SUPT3H: variants seen among roughly 807,000 people sequenced by gnomAD.
SUPT3H encodes transcription initiation protein SPT3 homolog.
SUPT3H carries 44 observed loss-of-function variants against 44.3 expected under a neutral mutation model. The observed-to-expected ratio is 0.99, with a 90% CI of 0.78 to 1.28. SUPT3H has a LOEUF of 1.28. SUPT3H is among the 50% of genes most tolerant of loss of function. SUPT3H has a pLI of 0.00. For synonymous variants in SUPT3H, 124 were observed against 125.6 expected (o/e 0.99, Z 0.09); for missense variants, 380 against 387.1 (o/e 0.98, Z 0.15).
At chr6:45,057,136 G>T (rs1162602051) in intron 3 of SUPT3H, among the ~76,000 whole-genome samples, 1 of 152,024 alleles carries the variant, frequency 6.6e-6, no homozygotes, top group Non-Finnish European at 1.5e-5. Context: ...GGTAAACATA[G>T]AAGTTCACCC....
At chr6:45,310,631 G>C (rs995000586) in intron 2 of SUPT3H, among the ~76,000 whole-genome samples, 11 of 152,138 alleles carry the variant, frequency 7.2e-5, no homozygotes, top group Non-Finnish European at 1.3e-4. Context: ...CTCAGCACCA[G>C]CCAGGAGCTG....
At chr6:45,021,854 T>C (rs1452687027) in intron 3 of SUPT3H, among the ~76,000 whole-genome samples, 14 of 151,990 alleles carry the variant, frequency 9.2e-5, no homozygotes, top group Admixed American at 7.9e-4. Flanking sequence ...TCCTGGATAC[T>C]GCGGTTGGTA....
intron 3 of SUPT3H, among the ~76,000 whole-genome samples, chr6:45,071,378 C>G (rs967729421): frequency 2.5e-4 from 38 of 152,112 alleles, no homozygotes; most frequent in African/African-American, 4.6e-4. Context: ...CCAGTAAACT[C>G]TTTATTATTT....
At chr6:45,352,595 C>T (rs889330174) in intron 2 of SUPT3H, among the ~76,000 whole-genome samples, 1 of 152,054 alleles carries the variant, frequency 6.6e-6, no homozygotes, top group African/African-American at 2.4e-5. Context: ...GAACAAAGTA[C>T]ATTTTATGCT....
intron 3 of SUPT3H, among the ~76,000 whole-genome samples, chr6:45,035,670 T>A (rs990628795): frequency 9.9e-5 from 15 of 152,114 alleles, no homozygotes; most frequent in Non-Finnish European, 4.4e-5. Context: ...GGAAAAATTA[T>A]CCAAAACCGT....
chr6:44,920,721 C>T (rs898418547), intron 10 of SUPT3H, among the ~76,000 whole-genome samples: 8 of 152,160 alleles, frequency 5.3e-5, no homozygotes, highest in African/African-American at 1.7e-4. Flanking sequence ...TCTGGGTAAA[C>T]TGGCTCGCAA....
rs9367213 is a variant in SUPT3H, at chr6:45,032,065, A to G, written c.187-11433T>C. Among the ~76,000 whole-genome samples, 17 of 152,310 alleles carry G rather than the reference A, an allele frequency of 1.1e-4. No homozygotes were observed. In the East Asian group the frequency reaches 3.3e-3, roughly 29 times the overall value. On this transcript the variant is annotated intron_variant, in intron 3 of 10. Transcript: ENST00000371459. ...TAATATGTAAAAGACATTGGTCTCT[A>G]TCCATTTCTCATCTGCCCTATGCTT...
intron 2 of SUPT3H, among the ~76,000 whole-genome samples, chr6:45,360,036 G>GT (rs1202061737): frequency 2.0e-5 from 3 of 152,218 alleles, no homozygotes; most frequent in Non-Finnish European, 4.4e-5. Flanking sequence ...TAGCACAGTA[G>GT]TCACACATAA....
chr6:45,281,470 G>A (rs1006084510), intron 2 of SUPT3H, among the ~76,000 whole-genome samples: 2 of 152,156 alleles, frequency 1.3e-5, no homozygotes, highest in African/African-American at 4.8e-5. Flanking sequence ...AGAGGGTCCT[G>A]TGCCCACAAA....
intron 10 of SUPT3H, among the ~76,000 whole-genome samples, chr6:44,848,585 T>G (rs1217007581): frequency 6.6e-6 from 1 of 152,214 alleles, no homozygotes; most frequent in East Asian, 1.9e-4. Context: ...ATTTGTTGTG[T>G]GGATCTCTGC....
At chr6:45,094,295 C>A (rs1412692726) in intron 3 of SUPT3H, among the ~76,000 whole-genome samples, 2 of 151,896 alleles carry the variant, frequency 1.3e-5, no homozygotes, top group South Asian at 2.1e-4. Flanking sequence ...AAAGGAAGAA[C>A]CTTTAGGGAG....
chr6:45,248,166 G>A (rs111555259), intron 2 of SUPT3H, among the ~76,000 whole-genome samples: 3,908 of 152,120 alleles, frequency 0.026, 183 homozygotes, highest in African/African-American at 0.088. Context: ...GAAAATCTTT[G>A]TGACATTTGT....
intron 2 of SUPT3H, among the ~76,000 whole-genome samples, chr6:45,325,942 T>C (rs948414183): frequency 6.6e-5 from 10 of 151,868 alleles, no homozygotes; most frequent in African/African-American, 2.4e-4. Context: ...TTAAAGCACA[T>C]GATTTCACTA....
chr6:45,335,277 A>C (rs539434902), intron 2 of SUPT3H, among the ~76,000 whole-genome samples: 1 of 151,458 alleles, frequency 6.6e-6, no homozygotes, highest in East Asian at 1.9e-4. Context: ...AAATGATTAC[A>C]AATTATTTAA....
chr6:44,863,303 A>T (rs1225884541), intron 10 of SUPT3H, among the ~76,000 whole-genome samples: 1 of 152,212 alleles, frequency 6.6e-6, no homozygotes, highest in Admixed American at 6.5e-5. Flanking sequence ...ACACACACAC[A>T]CAGTATTTGT....
At chr6:44,820,412 A>C in intron 11 of SUPT3H, among the ~76,000 whole-genome samples, 1 of 152,202 alleles carries the variant, frequency 6.6e-6, no homozygotes, top group Non-Finnish European at 1.5e-5. Context: ...GAAGTTCAGA[A>C]GTCTTGGGAA....
At chr6:45,070,756 A>AAG (rs1401892559) in intron 3 of SUPT3H, among the ~76,000 whole-genome samples, 7 of 151,456 alleles carry the variant, frequency 4.6e-5, no homozygotes, top group Non-Finnish European at 7.4e-5. Flanking sequence ...AAAAAAAAAA[A>AAG]AAAGAAATGC....
chr6:44,942,067 G>T (rs1243091972), intron 9 of SUPT3H, among the ~76,000 whole-genome samples: 1 of 151,990 alleles, frequency 6.6e-6, no homozygotes, highest in African/African-American at 2.4e-5. Context: ...CAACAGGATC[G>T]GGAAGAAATG....
chr6:44,857,306 A>G (rs574582412), intron 10 of SUPT3H, among the ~76,000 whole-genome samples: 23 of 152,314 alleles, frequency 1.5e-4, no homozygotes, highest in African/African-American at 5.5e-4. Context: ...TAAAAGGACA[A>G]AAGCGGAAGA....
Sources: gnomAD v4.1 joint callset for allele counts (sites outside exome capture counted in the v4.1 genomes callset) on GRCh38, gnomAD v4.1.1 for gene constraint, MANE v1.5 for transcripts, NCBI Gene and HGNC (gene_info 2026-07-23, HGNC 2026-07-21) for gene names.